Variants in PMFBP1 observed in about 807,000 individuals in gnomAD.
PMFBP1 encodes the protein polyamine-modulated factor 1-binding protein 1.
A neutral mutation model predicts 137.8 loss-of-function variants in PMFBP1; 131 were observed. That is an observed-to-expected ratio of 0.95 (90% CI 0.82 to 1.10). The LOEUF (loss-of-function observed/expected upper bound fraction) is 1.10. PMFBP1 is among the 50% of genes least tolerant of loss of function. The pLI, the probability that PMFBP1 is intolerant of heterozygous loss-of-function variation, is 0.00. For missense variants in PMFBP1, 1,199 were observed against 1,175.4 expected (o/e 1.02, Z -0.29); for synonymous variants, 490 against 450.4 (o/e 1.09, Z -1.11).
chr16:72,206,723 C>A, the PMFBP1 span, among the ~76,000 whole-genome samples: 4 of 152,114 alleles, frequency 2.6e-5, no homozygotes, highest in Non-Finnish European at 5.9e-5. Flanking sequence ...CGCTTCCCGG[C>A]GCACTGCTTT....
At chr16:72,143,964 C>G (rs901438128) in intron 5 of PMFBP1, among the ~76,000 whole-genome samples, 1 of 152,094 alleles carries the variant, frequency 6.6e-6, no homozygotes, top group African/African-American at 2.4e-5. Flanking sequence ...TCGCTTGAAC[C>G]TGGGAGGCGG....
rs550958552 is a variant in PMFBP1 at position 72,132,650 on chromosome 16, C to A, written c.1447+98G>T. On this transcript the variant is annotated intron_variant, in intron 10 of 20. Coordinates refer to ENST00000237353, the MANE Select transcript of PMFBP1 (RefSeq NM_031293.3). ...TCTGCAGTGAGACACTGGAGGAGGG[C>A]GAGGGGAAGTGGCCACTGGGAGAGA... is the stretch of plus-strand genomic sequence containing the variant. The A allele has an allele frequency of 1.9e-6, 3 of 1,554,362 alleles. No individual in the cohort carries two copies. The South Asian group carries it at 3.7e-5, about 19-fold the overall frequency.
chr16:72,212,202 G>T, the PMFBP1 span, among the ~76,000 whole-genome samples: 1 of 151,844 alleles, frequency 6.6e-6, no homozygotes, highest in Non-Finnish European at 1.5e-5. Flanking sequence ...TTATTAGAAG[G>T]TCCAGCTCAA....
intron 4 of PMFBP1, 86 bp from the exon 5 acceptor site, chr16:72,150,915 G>A: frequency 1.7e-6 from 2 of 1,171,096 alleles, no homozygotes; most frequent in Non-Finnish European, 2.5e-6. Context: ...CTGCAGAGAA[G>A]TCTTGTATCT....
In PMFBP1 at chr16:72,125,242, A is replaced by G. The variant is rs756319932; in HGVS notation, c.2417T>C (p.Leu806Pro). The G allele has an allele frequency of 2.2e-5, 36 of 1,613,008 alleles. No individual in the cohort carries two copies. The South Asian group carries it at 4.0e-4, about 18-fold the overall frequency. The change falls in exon 16 of 21, where the codon CTG (leucine) becomes CCG (proline). Residue 806 changes from leucine (L) to proline (P), a missense_variant. Transcript: ENST00000237353. ...KLRGFHQESE[L>P]EVHAFDKKLE... ...AAGCCCCTGGCAGCTCCTCACCTCC[A>G]GCTCACTCTCCTGGTGGAAGCCCCG...
At chr16:72,219,555 G>C in the PMFBP1 span, among the ~76,000 whole-genome samples, 4 of 94,286 alleles carry the variant, frequency 4.2e-5, no homozygotes, top group Non-Finnish European at 7.3e-5. Context: ...ATGTGGGCGG[G>C]GGGGCCTGTT....
the PMFBP1 span, among the ~76,000 whole-genome samples, chr16:72,213,191 A>G: frequency 8.3e-6 from 1 of 121,036 alleles, no homozygotes; most frequent in Non-Finnish European, 1.8e-5. Flanking sequence ...GATTACAGCA[A>G]GAGCCCGGGG....
downstream of PMFBP1, among the ~76,000 whole-genome samples, chr16:72,118,856 T>C (rs8044555): frequency 0.29 from 43,788 of 152,072 alleles, 6,663 homozygotes; most frequent in South Asian, 0.4. Flanking sequence ...TACTTCCTCT[T>C]TGGAGTTTTT....
the PMFBP1 span, among the ~76,000 whole-genome samples, chr16:72,240,917 G>A: frequency 1.3e-5 from 2 of 151,548 alleles, no homozygotes; most frequent in African/African-American, 4.8e-5. Flanking sequence ...GTGTGTGAGA[G>A]AGAGAGAGAG....
chr16:72,175,358 G>T (rs1341118967), upstream of PMFBP1, among the ~76,000 whole-genome samples: 1 of 152,182 alleles, frequency 6.6e-6, no homozygotes, highest in African/African-American at 2.4e-5. Flanking sequence ...TCTCTGAAAT[G>T]CAGTTTTAGC....
upstream of PMFBP1, among the ~76,000 whole-genome samples, chr16:72,175,501 G>A (rs1463438359): frequency 6.6e-6 from 1 of 152,142 alleles, no homozygotes; most frequent in African/African-American, 2.4e-5. Flanking sequence ...TGGGTATATG[G>A]TTGACTCCTG....
the PMFBP1 span, among the ~76,000 whole-genome samples, chr16:72,214,396 C>T: frequency 1.3e-5 from 2 of 152,042 alleles, no homozygotes; most frequent in Non-Finnish European, 2.9e-5. Context: ...AGGATGGTCT[C>T]GATCCTCTGA....
the PMFBP1 span, among the ~76,000 whole-genome samples, chr16:72,190,433 C>T: frequency 2.0e-5 from 3 of 152,180 alleles, no homozygotes; most frequent in Non-Finnish European, 2.9e-5. Flanking sequence ...TTGCTTCTGA[C>T]CTCAGTGAAC....
chr16:72,137,957 C>A (rs117216343), intron 7 of PMFBP1, among the ~76,000 whole-genome samples: 1 of 152,000 alleles, frequency 6.6e-6, no homozygotes, highest in Admixed American at 6.5e-5. Flanking sequence ...CCACACTTGC[C>A]GAGGGGAGGA....
chr16:72,225,405 A>C, the PMFBP1 span, among the ~76,000 whole-genome samples: 1 of 152,070 alleles, frequency 6.6e-6, no homozygotes, highest in Non-Finnish European at 1.5e-5. Context: ...AATAGACCCC[A>C]CTGGCCCGGC....
chr16:72,216,500 G>T, the PMFBP1 span, among the ~76,000 whole-genome samples: 31 of 152,136 alleles, frequency 2.0e-4, no homozygotes, highest in Non-Finnish European at 4.0e-4. Context: ...GTCACCTGTG[G>T]TAACACACTA....
chr16:72,169,717 A>G (rs1305468625), intron 2 of PMFBP1, among the ~76,000 whole-genome samples: 1 of 152,138 alleles, frequency 6.6e-6, no homozygotes, highest in African/African-American at 2.4e-5. Context: ...ATTAAAAAAG[A>G]TATCTGAGAG....
At chr16:72,249,936 A>AG in the PMFBP1 span, among the ~76,000 whole-genome samples, 1 of 151,010 alleles carries the variant, frequency 6.6e-6, no homozygotes, top group Non-Finnish European at 1.5e-5. Context: ...AAAAAAAAAA[A>AG]AAAAAAAAGA....
the PMFBP1 span, among the ~76,000 whole-genome samples, chr16:72,233,519 T>C: frequency 6.6e-6 from 1 of 152,126 alleles, no homozygotes; most frequent in Non-Finnish European, 1.5e-5. Context: ...TAAGAATAAT[T>C]ACCAATACTA....
Sources: gnomAD v4.1 joint callset for allele counts (sites outside exome capture counted in the v4.1 genomes callset) on GRCh38, gnomAD v4.1.1 for gene constraint, MANE v1.5 for transcripts, NCBI Gene and HGNC (gene_info 2026-07-23, HGNC 2026-07-21) for gene names.